PAN3: variants seen among roughly 807,000 people sequenced by gnomAD.
The protein encoded by PAN3 is poly(A) specific ribonuclease subunit PAN3.
Under a neutral mutation model 96.2 loss-of-function variants are expected in PAN3, and 19 were observed. The observed-to-expected ratio is 0.20, with a 90% CI of 0.14 to 0.29. The LOEUF (loss-of-function observed/expected upper bound fraction) is 0.29. Among genes scored for constraint, PAN3 ranks in the 10% least tolerant of loss-of-function variants. The pLI is 1.00. For synonymous variants in PAN3, 433 were observed against 406.6 expected, an observed-to-expected ratio of 1.06 and a Z score of -0.78; for missense variants, 882 against 1,108.1, an observed-to-expected ratio of 0.80 and a Z score of 2.90.
intron 1 of PAN3, among the ~76,000 whole-genome samples, chr13:28,141,466 T>C (rs866409219): frequency 3.2e-5 from 4 of 126,550 alleles, no homozygotes; most frequent in East Asian, 2.0e-4. Context: ...TTTTTTCTTT[T>C]TTTTTTTTTT....
chr13:28,278,013 C>T (rs750018807), intron 15 of PAN3, among the ~76,000 whole-genome samples: 1 of 152,270 alleles, frequency 6.6e-6, no homozygotes, highest in Non-Finnish European at 1.5e-5. Context: ...AAGGACTTCT[C>T]CGTAAGATAT....
At chr13:28,289,717 TA>T (rs1869486320) in intron 18 of PAN3, among the ~76,000 whole-genome samples, 1 of 151,978 alleles carries the variant, frequency 6.6e-6, no homozygotes, top group South Asian at 2.1e-4. Context: ...CCGTCCCTAC[TA>T]AAAAATTAAA....
At chr13:28,260,833 A>G (rs935413582) in intron 8 of PAN3, among the ~76,000 whole-genome samples, 8 of 152,220 alleles carry the variant, frequency 5.3e-5, no homozygotes, top group Non-Finnish European at 8.8e-5. Context: ...TTTGAAGTAT[A>G]TAAATAATTT....
chr13:28,271,008 CT>C, intron 13 of PAN3, 142 bp downstream of exon 13: 1 of 900,474 alleles, frequency 1.1e-6, no homozygotes, highest in Non-Finnish European at 1.6e-6. Flanking sequence ...CATTTGTAAG[CT>C]TTTTAAAGAA....
At chr13:28,250,429 A>G (rs1357567157) in intron 6 of PAN3, among the ~76,000 whole-genome samples, 2 of 152,000 alleles carry the variant, frequency 1.3e-5, no homozygotes, top group African/African-American at 4.8e-5. Flanking sequence ...ACAGTGGTGC[A>G]ACCTCTGCTC....
chr13:28,267,342 T>C lies in PAN3; in HGVS notation c.1733T>C (p.Met578Thr). The C allele has an allele frequency of 1.2e-6, 2 of 1,613,864 alleles. No individual in the cohort carries two copies. Among genetic ancestry groups the C allele is most frequent in the Non-Finnish European group, 1.7e-6 (2 of 1,179,836 alleles). Residue 578 changes from methionine (M) to threonine (T), a missense_variant, in exon 12 of 19, where the codon ATG becomes ACG. Met to Thr is a moderately conservative substitution (Grantham distance 81). This residue lies in a region of PAN3 where 364 missense variants were observed against 513.6 expected (regional missense o/e 0.71). Transcript: ENST00000380958. Reference protein sequence around the residue: ...AYDFHAGGETMMSRHFNDPNA... With the variant: ...AYDFHAGGETTMSRHFNDPNA... ...GATTTCCATGCTGGAGGAGAAACTA[T>C]GATGAGCAGACACTTTAATGACCCT...
At chr13:28,261,896 A>G (rs2138623684) in intron 9 of PAN3, among the ~76,000 whole-genome samples, 1 of 151,692 alleles carries the variant, frequency 6.6e-6, no homozygotes, top group South Asian at 2.1e-4. Context: ...ATTTCTGTTA[A>G]TTCTACATAT....
chr13:28,228,573 T>G (rs1174955041), intron 6 of PAN3, among the ~76,000 whole-genome samples: 1 of 152,226 alleles, frequency 6.6e-6, no homozygotes, highest in Non-Finnish European at 1.5e-5. Context: ...ATATTTTACA[T>G]GTGGTTGTCT....
intron 4 of PAN3, among the ~76,000 whole-genome samples, chr13:28,178,329 G>C (rs1463579971): frequency 6.6e-6 from 1 of 152,038 alleles, no homozygotes; most frequent in African/African-American, 2.4e-5. Flanking sequence ...ATTTACTCCT[G>C]ATTACAAGGC....
chr13:28,272,021 T>G lies in PAN3; in HGVS notation c.1999T>G (p.Phe667Val). The change falls in exon 14 of 19, where the codon TTT becomes GTT. Residue 667 changes from phenylalanine to valine, a missense_variant. Coordinates refer to ENST00000380958, the MANE Select transcript of PAN3 (RefSeq NM_175854.8). Reference protein sequence around the residue: ...NCVGVFDVLTFDNSQNNNPLA... With the variant: ...NCVGVFDVLTVDNSQNNNPLA... ...TGTTGGAGTTTTTGATGTTTTAACA[T>G]TTGATAACAGTCAAAATAATAATCC... 6.3e-7 allele frequency: 1 copy of G among 1,594,518 alleles called. No homozygotes were observed. The highest frequency in any genetic ancestry group is 8.6e-7 in the Non-Finnish European group (1 of 1,166,110).
intron 5 of PAN3, among the ~76,000 whole-genome samples, chr13:28,206,955 C>T (rs1247264909): frequency 6.6e-6 from 1 of 152,036 alleles, no homozygotes; most frequent in Non-Finnish European, 1.5e-5. Flanking sequence ...TTTCTGGTTT[C>T]TTCTGAACAT....
chr13:28,245,788 A>G (rs569643678), intron 6 of PAN3, among the ~76,000 whole-genome samples: 2 of 152,222 alleles, frequency 1.3e-5, no homozygotes, highest in Admixed American at 1.3e-4. Context: ...TGGCTTTTTT[A>G]TGTCTAGCCT....
At chr13:28,170,060 T>TACA (rs1317966176) in intron 1 of PAN3, among the ~76,000 whole-genome samples, 1 of 151,612 alleles carries the variant, frequency 6.6e-6, no homozygotes, top group Non-Finnish European at 1.5e-5. Context: ...ATAATAATAA[T>TACA]ACAATAATAA....
intron 5 of PAN3, chr13:28,215,871 GC>G: frequency 1.5e-6 from 2 of 1,362,362 alleles, no homozygotes; most frequent in Non-Finnish European, 2.1e-6. Context: ...CACCAGGTTT[GC>G]CCAGAAATCT....
chr13:28,162,015 A>G (rs921904334), intron 1 of PAN3, among the ~76,000 whole-genome samples: 2 of 152,248 alleles, frequency 1.3e-5, no homozygotes, highest in Admixed American at 1.3e-4. Context: ...TCTATTACAA[A>G]GAGCATATTA....
chr13:28,253,296 G>C (rs1341034841), intron 6 of PAN3, among the ~76,000 whole-genome samples: 1 of 149,398 alleles, frequency 6.7e-6, no homozygotes, highest in Admixed American at 6.7e-5. Flanking sequence ...CTTTCTTGCT[G>C]TTTATAATTT....
intron 1 of PAN3, among the ~76,000 whole-genome samples, chr13:28,139,351 CG>C (rs1243195831): frequency 2.6e-4 from 3 of 11,342 alleles, no homozygotes; most frequent in Non-Finnish European, 5.5e-4. Flanking sequence ...GAAGGGGGGG[CG>C]GGGAGGAAGG....
intron 5 of PAN3, among the ~76,000 whole-genome samples, chr13:28,199,719 TACC>T (rs1228208773): frequency 2.0e-5 from 3 of 152,136 alleles, no homozygotes; most frequent in Non-Finnish European, 4.4e-5. Flanking sequence ...AAAAGTAACT[TACC>T]AATTCCATAC....
chr13:28,240,296 A>G (rs772659664), intron 6 of PAN3, among the ~76,000 whole-genome samples: 4 of 152,174 alleles, frequency 2.6e-5, no homozygotes, highest in Non-Finnish European at 4.4e-5. Context: ...AAGCTACAGA[A>G]TAAAAAGCTT....
Sources: allele counts gnomAD v4.1 joint callset (sites outside exome capture counted in the v4.1 genomes callset), GRCh38; gene constraint gnomAD v4.1.1; regional missense constraint gnomAD v4.1.1; transcripts MANE v1.5; gene names NCBI Gene and HGNC (gene_info 2026-07-23, HGNC 2026-07-21).